The following CASZ1 variants were observed in gnomAD, a reference collection of about 807,000 sequenced individuals.
CASZ1 encodes the protein zinc finger protein castor homolog 1.
A neutral mutation model predicts 135.2 loss-of-function variants in CASZ1; 28 were observed. That is an observed-to-expected ratio of 0.21 (90% CI 0.15 to 0.28). The LOEUF is 0.28. Ranked by LOEUF, CASZ1 falls within the 10% of genes least tolerant of loss-of-function variation. The probability of loss-of-function intolerance (pLI) is 1.00; values close to 1 mark genes in which losing one functional copy is unlikely to be tolerated. For synonymous variants in CASZ1, 1,068 were observed against 1,073.4 expected, an observed-to-expected ratio of 0.99 and a Z score of 0.10; for missense variants, 2,161 against 2,453.3, an observed-to-expected ratio of 0.88 and a Z score of 2.52.
At position 10,719,930 on chromosome 1, in the gene CASZ1, G is replaced by A. The variant is rs1427948566; in HGVS notation, c.-76-14386C>T. Among the ~76,000 whole-genome samples the A allele has an allele frequency of 1.3e-5, 2 of 152,270 alleles. No homozygotes were observed. The highest frequency in any genetic ancestry group is 2.9e-5 in the Non-Finnish European group (2 of 68,044). On this transcript the variant is annotated intron_variant, in intron 2 of 20. Coordinates refer to ENST00000377022, the MANE Select transcript of CASZ1 (RefSeq NM_001079843.3). The surrounding 1 kb of genome is among the most constrained non-coding windows in gnomAD (Gnocchi z 4.0). ...GTGCAGTGAAGAGGCCAGCAGTGCAGAGATATGGTGCCTGAACACAGGTCC... is the reference window on the plus strand; with the variant it reads ...GTGCAGTGAAGAGGCCAGCAGTGCAAAGATATGGTGCCTGAACACAGGTCC...
rs149330108 is a variant in CASZ1, at chr1:10,659,955, T to C, written c.1087A>G (p.Ile363Val). 1.3e-5 allele frequency: 21 copies of C among 1,612,956 alleles called. No homozygotes were observed. Among genetic ancestry groups the C allele is most frequent in the Non-Finnish European group, 1.6e-5 (19 of 1,179,970 alleles). The change falls in exon 6 of 21, where the codon ATC (isoleucine) becomes GTC (valine). Residue 363 changes from isoleucine to valine, a missense_variant. Physicochemically the swap from Ile to Val is conservative, Grantham distance 29. This residue lies in a region of CASZ1 where 590 missense variants were observed against 609.8 expected (regional missense o/e 0.97). Transcript: ENST00000377022. ...CCCACCTTGCCTGTCTTGAAGGCGA[T>C]GGCCCCGCCCATGTCGGGGCTGCCC... is the stretch of plus-strand genomic sequence containing the variant. ...GEGSPDMGGAIAFKTGKVGRP... is the reference protein window; with the variant it reads ...GEGSPDMGGAVAFKTGKVGRP...
At chr1:10,678,738 G>A (rs1474784185) in intron 4 of CASZ1, among the ~76,000 whole-genome samples, 1 of 152,188 alleles carries the variant, frequency 6.6e-6, no homozygotes, top group African/African-American at 2.4e-5. Context: ...GGGGAGGGCA[G>A]AGGATTCAGG....
intron 3 of CASZ1, among the ~76,000 whole-genome samples, chr1:10,696,071 T>C (rs1259811300): frequency 6.6e-6 from 1 of 152,232 alleles, no homozygotes; most frequent in Non-Finnish European, 1.5e-5. Context: ...GCAATATTTC[T>C]ATTTTGCAAA....
At chr1:10,693,853 T>A (rs980417229) in intron 4 of CASZ1, 21 bp downstream of exon 4, 1 of 1,566,684 alleles carries the variant, frequency 6.4e-7, no homozygotes, top group Non-Finnish European at 8.7e-7. Context: ...GAGCCGCCCC[T>A]GCGTTCCCAC....
At chr1:10,784,111 G>T (rs1640812986) in intron 1 of CASZ1, among the ~76,000 whole-genome samples, 1 of 152,140 alleles carries the variant, frequency 6.6e-6, no homozygotes, top group Admixed American at 6.5e-5. Context: ...AAGGGCTTAA[G>T]CCCCGTTCTG....
rs1202847569 is a variant in CASZ1, at chr1:10,697,093, C to A, written c.-23-3181G>T. On this transcript the variant is annotated intron_variant, in intron 3 of 20. Transcript: ENST00000377022. The surrounding 1 kb of genome is among the most constrained non-coding windows in gnomAD (Gnocchi z 4.7). ...GTGGGCCCTGCCCAAGAGGAAAAGG[C>A]CTTCAGTGGAGGAGCAGCGGTCAGA... is the stretch of plus-strand genomic sequence containing the variant. Among the ~76,000 whole-genome samples the A allele has an allele frequency of 6.6e-6, 1 of 152,226 alleles. No individual in the cohort carries two copies. The highest frequency in any genetic ancestry group is 2.1e-4 in the South Asian group (1 of 4,834).
At chr1:10,795,701 G>A (rs945033053) in intron 1 of CASZ1, among the ~76,000 whole-genome samples, 1 of 152,236 alleles carries the variant, frequency 6.6e-6, no homozygotes, top group South Asian at 2.1e-4. Flanking sequence ...CTTCAGCTGG[G>A]GAGGCAGGGG....
At chr1:10,729,202 G>A (rs1639653311) in intron 2 of CASZ1, among the ~76,000 whole-genome samples, 1 of 152,182 alleles carries the variant, frequency 6.6e-6, no homozygotes, top group Non-Finnish European at 1.5e-5. Flanking sequence ...AAACTAGGCC[G>A]CTGCAGGGCG....
At chr1:10,773,993 C>G (rs1557563940) in intron 1 of CASZ1, among the ~76,000 whole-genome samples, 1 of 152,198 alleles carries the variant, frequency 6.6e-6, no homozygotes, top group Non-Finnish European at 1.5e-5. Context: ...TGGCAGCTCC[C>G]TGTGGTGGTC....
At chr1:10,713,045 TG>T (rs1359420975) in intron 2 of CASZ1, among the ~76,000 whole-genome samples, 1 of 152,244 alleles carries the variant, frequency 6.6e-6, no homozygotes, top group Non-Finnish European at 1.5e-5. Flanking sequence ...CCCTCCTGCC[TG>T]TTCCAGAATG....
rs746047363 is a variant in CASZ1, at chr1:10,655,849, A to C, written c.1501-36T>G. On this transcript the variant is annotated intron_variant, in intron 8 of 20. Coordinates refer to ENST00000377022, the MANE Select transcript of CASZ1 (RefSeq NM_001079843.3). ...ACAGCGCCACGTGGGCAGGAGCCTG[A>C]GCTCCCCCTCCGCCCTTCCTCCCAT... The C allele has an allele frequency of 1.8e-5, 29 of 1,604,976 alleles. No individual in the cohort carries two copies. In the African/African-American group the frequency reaches 3.6e-4, roughly 20 times the overall value.
At chr1:10,684,318 G>C (rs1023370148) in intron 4 of CASZ1, among the ~76,000 whole-genome samples, 9 of 152,162 alleles carry the variant, frequency 5.9e-5, no homozygotes, top group Admixed American at 5.9e-4. Context: ...TTTCTAGGCC[G>C]GGTCAAGCTT....
At chr1:10,784,923 A>G (rs1640828137) in intron 1 of CASZ1, among the ~76,000 whole-genome samples, 1 of 152,168 alleles carries the variant, frequency 6.6e-6, no homozygotes, top group African/African-American at 2.4e-5. Context: ...ATGACCTGCC[A>G]TGAGAGGCCC....
intron 4 of CASZ1, among the ~76,000 whole-genome samples, chr1:10,692,940 C>T (rs1210121688): frequency 6.6e-6 from 1 of 152,216 alleles, no homozygotes; most frequent in Non-Finnish European, 1.5e-5. Context: ...AAGAAGACAG[C>T]TGCTTTTGTC....
intron 4 of CASZ1, among the ~76,000 whole-genome samples, chr1:10,667,097 A>G (rs1199530898): frequency 2.6e-5 from 4 of 152,218 alleles, no homozygotes; most frequent in Non-Finnish European, 4.4e-5. Flanking sequence ...CCAACTTTCC[A>G]CATGCCAGGA....
intron 13 of CASZ1, 155 bp downstream of exon 13, chr1:10,650,535 AAT>A: frequency 1.6e-6 from 1 of 642,702 alleles, no homozygotes; most frequent in Non-Finnish European, 2.8e-6. Flanking sequence ...GTGGCTCTGA[AAT>A]TATATCCGAT....
chr1:10,738,439 G>T (rs1351843239), intron 2 of CASZ1, among the ~76,000 whole-genome samples: 4 of 152,246 alleles, frequency 2.6e-5, no homozygotes, highest in Admixed American at 1.3e-4. Flanking sequence ...GGCCGGGGAA[G>T]GGGGAGGACA....
intron 4 of CASZ1, among the ~76,000 whole-genome samples, chr1:10,677,664 C>T (rs773352675): frequency 2.0e-5 from 3 of 152,228 alleles, no homozygotes; most frequent in Admixed American, 1.3e-4. Flanking sequence ...GCCACTCACT[C>T]GTGAGGACTA....
chr1:10,690,000 C>T (rs1166446793), intron 4 of CASZ1, among the ~76,000 whole-genome samples: 1 of 152,252 alleles, frequency 6.6e-6, no homozygotes, highest in Non-Finnish European at 1.5e-5. Context: ...AGCACCTACC[C>T]CCTGCAGCAG....
Sources: allele counts gnomAD v4.1 joint callset (sites outside exome capture counted in the v4.1 genomes callset), GRCh38; gene constraint gnomAD v4.1.1; regional missense constraint gnomAD v4.1.1; non-coding constraint Gnocchi (gnomAD v3.1); transcripts MANE v1.5; gene names NCBI Gene and HGNC (gene_info 2026-07-23, HGNC 2026-07-21).